SDK1: variants seen among roughly 807,000 people sequenced by gnomAD.
SDK1 encodes the protein sidekick cell adhesion molecule 1.
SDK1 carries 157 observed loss-of-function variants against 245.5 expected under a neutral mutation model. The ratio of observed to expected loss-of-function variants is 0.64; its 90% confidence interval spans 0.56 to 0.73. The LOEUF (loss-of-function observed/expected upper bound fraction) is 0.73, where lower values mean the gene tolerates loss of function less well. Ranked by LOEUF, SDK1 falls within the 30% of genes least tolerant of loss-of-function variation. The pLI, the probability that SDK1 is intolerant of heterozygous loss-of-function variation, is 0.00. For missense variants in SDK1, 3,583 were observed against 3,002.3 expected, an observed-to-expected ratio of 1.19 and a Z score of -4.52; for synonymous variants, 1,647 against 1,278.5, an observed-to-expected ratio of 1.29 and a Z score of -6.15.
At chr7:4,203,477 G>GC (rs1784009283) in intron 35 of SDK1, among the ~76,000 whole-genome samples, 1 of 151,724 alleles carries the variant, frequency 6.6e-6, no homozygotes, top group South Asian at 2.1e-4. Flanking sequence ...AGCAGCAGAC[G>GC]CCAGCAATTG....
chr7:3,964,322 A>C (rs1209954241), intron 9 of SDK1, among the ~76,000 whole-genome samples: 1 of 152,186 alleles, frequency 6.6e-6, no homozygotes, highest in Non-Finnish European at 1.5e-5. Context: ...TCCTCTTCTC[A>C]GGGTAGCGTT....
At chr7:3,952,762 G>T (rs1239023230) in intron 7 of SDK1, among the ~76,000 whole-genome samples, 1 of 151,978 alleles carries the variant, frequency 6.6e-6, no homozygotes. Context: ...CAAGGAGAAA[G>T]AACATAAAAT....
intron 30 of SDK1, among the ~76,000 whole-genome samples, chr7:4,155,875 T>G (rs985887477): frequency 5.3e-5 from 8 of 152,166 alleles, no homozygotes; most frequent in Non-Finnish European, 1.2e-4. Context: ...TAAAGACAGA[T>G]AGTCGTCAAG....
chr7:3,319,290 A>G (rs1779736295), intron 1 of SDK1, among the ~76,000 whole-genome samples: 1 of 152,174 alleles, frequency 6.6e-6, no homozygotes, highest in Non-Finnish European at 1.5e-5. Flanking sequence ...GATGGCTCTC[A>G]TTTGACACAA....
At chr7:3,838,800 C>G (rs1441368521) in intron 5 of SDK1, among the ~76,000 whole-genome samples, 1 of 152,136 alleles carries the variant, frequency 6.6e-6, no homozygotes, top group Non-Finnish European at 1.5e-5. Flanking sequence ...AAAATGTTTG[C>G]ACTCTTGTCT....
Position 3,578,507 on chromosome 7 carries a change from A to G in SDK1, c.299-40573A>G, listed in dbSNP as rs149931885. Reference sequence around the variant, plus strand: ...CCAGTCTGACCTCAAATTTACTAGTACAGGGTTTCCCAATCCTGGTAAGCC... The same window carrying G: ...CCAGTCTGACCTCAAATTTACTAGTGCAGGGTTTCCCAATCCTGGTAAGCC... On this transcript the variant is annotated intron_variant, in intron 1 of 44. Coordinates refer to ENST00000404826, the MANE Select transcript of SDK1 (RefSeq NM_152744.4). Among the ~76,000 whole-genome samples the G allele has an allele frequency of 5.9e-3, 892 of 152,132 alleles. 12 individuals are homozygous for G. Among genetic ancestry groups the G allele is most frequent in the African/African-American group, 0.02 (824 of 41,532 alleles).
chr7:4,237,089 G>C (rs2128236952), intron 41 of SDK1, among the ~76,000 whole-genome samples: 1 of 152,038 alleles, frequency 6.6e-6, no homozygotes, highest in East Asian at 1.9e-4. Flanking sequence ...AAGGGGTCTT[G>C]CTATGTTGCC....
chr7:4,085,095 A>G (rs1329536165), intron 22 of SDK1, among the ~76,000 whole-genome samples: 1 of 151,678 alleles, frequency 6.6e-6, no homozygotes, highest in African/African-American at 2.4e-5. Context: ...ATTTTCCCTT[A>G]CTCTAAGACT....
At chr7:3,301,955 A>T (rs1779277145) in intron 1 of SDK1, 71 bp downstream of exon 1, 39 of 1,041,292 alleles carry the variant, frequency 3.7e-5, no homozygotes, top group Non-Finnish European at 4.4e-5. Context: ...GAGCAGCGAG[A>T]GTGTGTCCGG....
At chr7:3,393,075 A>T (rs925122733) in intron 1 of SDK1, among the ~76,000 whole-genome samples, 2 of 145,072 alleles carry the variant, frequency 1.4e-5, no homozygotes, top group African/African-American at 5.2e-5. Context: ...GGTTCAAGCG[A>T]TTGTCCTGTC....
At chr7:3,615,438 C>G (rs879583667) in intron 1 of SDK1, among the ~76,000 whole-genome samples, 1 of 151,678 alleles carries the variant, frequency 6.6e-6, no homozygotes, top group Non-Finnish European at 1.5e-5. Flanking sequence ...AGGCAGAACT[C>G]TTGGAACAGG....
At chr7:3,566,219 T>A (rs934285782) in intron 1 of SDK1, among the ~76,000 whole-genome samples, 2 of 139,872 alleles carry the variant, frequency 1.4e-5, no homozygotes, top group Non-Finnish European at 3.1e-5. Context: ...CTTGATAAAC[T>A]TCTTCTTTTT....
chr7:3,588,353 G>A (rs912505969), intron 1 of SDK1, among the ~76,000 whole-genome samples: 1 of 152,184 alleles, frequency 6.6e-6, no homozygotes, highest in Non-Finnish European at 1.5e-5. Context: ...CAGTCTTTTA[G>A]TTGTATACTA....
At chr7:4,227,434 T>G in intron 40 of SDK1, 1 of 471,128 alleles carries the variant, frequency 2.1e-6, no homozygotes, top group Non-Finnish European at 4.4e-6. Flanking sequence ...GTAACTGTCT[T>G]TTTTTTAAAT....
chr7:3,339,457 C>G (rs1384333260), intron 1 of SDK1, among the ~76,000 whole-genome samples: 1 of 152,032 alleles, frequency 6.6e-6, no homozygotes, highest in Non-Finnish European at 1.5e-5. Flanking sequence ...ACATTTAGAA[C>G]AATTTACCCG....
chr7:4,074,266 G>A (rs1175453282), intron 20 of SDK1, among the ~76,000 whole-genome samples: 1 of 152,166 alleles, frequency 6.6e-6, no homozygotes, highest in East Asian at 1.9e-4. Flanking sequence ...AGGCATTTGC[G>A]ATTGAAGCAG....
intron 4 of SDK1, among the ~76,000 whole-genome samples, chr7:3,712,675 G>A (rs1583331928): frequency 6.6e-6 from 1 of 152,168 alleles, no homozygotes; most frequent in East Asian, 1.9e-4. Context: ...GAAGCGCATG[G>A]CAGTGGGCAT....
At chr7:3,999,314 CACCAGGAGAT>C (rs1323762422) in intron 14 of SDK1, among the ~76,000 whole-genome samples, 2 of 152,204 alleles carry the variant, frequency 1.3e-5, no homozygotes, top group African/African-American at 2.4e-5. Context: ...GAGCATTAGA[CACCAGGAGAT>C]ACCAGGAAGA....
At chr7:3,453,709 C>T (rs1442541228) in intron 1 of SDK1, among the ~76,000 whole-genome samples, 2 of 152,120 alleles carry the variant, frequency 1.3e-5, no homozygotes, top group Non-Finnish European at 1.5e-5. Flanking sequence ...TCTCTCCACT[C>T]ACTGGCACTA....
Sources: gnomAD v4.1 joint callset for allele counts (sites outside exome capture counted in the v4.1 genomes callset) on GRCh38, gnomAD v4.1.1 for gene constraint, MANE v1.5 for transcripts, NCBI Gene and HGNC (gene_info 2026-07-23, HGNC 2026-07-21) for gene names.